SLC41A3: variants seen among roughly 807,000 people sequenced by gnomAD.
SLC41A3 encodes SLC41A1-like 2.
A neutral mutation model predicts 45.4 loss-of-function variants in SLC41A3; 44 were observed. The ratio of observed to expected loss-of-function variants is 0.97; its 90% confidence interval spans 0.76 to 1.25. SLC41A3 has a LOEUF of 1.25. SLC41A3 is among the 50% of genes most tolerant of loss of function. The pLI, the probability that SLC41A3 is intolerant of heterozygous loss-of-function variation, is 0.00. For missense variants in SLC41A3, 550 were observed against 600.6 expected (o/e 0.92, Z 0.88); for synonymous variants, 256 against 252.4 (o/e 1.01, Z -0.13).
At chr3:126,074,514 C>T (rs115698489) in intron 1 of SLC41A3, among the ~76,000 whole-genome samples, 30 of 152,200 alleles carry the variant, frequency 2.0e-4, no homozygotes, top group African/African-American at 5.1e-4. Flanking sequence ...TGTTTACAGA[C>T]GACATAATCT....
rs1944444999 is a variant in SLC41A3 at position 126,068,125 on chromosome 3, G to A, written c.95C>T (p.Pro32Leu). 1.9e-6 allele frequency: 3 copies of A among 1,613,010 alleles called. No individual in the cohort carries two copies. The highest frequency in any genetic ancestry group is 1.3e-5 in the African/African-American group (1 of 75,004). Residue 32 changes from proline (P) to leucine (L), a missense_variant, in exon 2 of 11, where the codon CCT becomes CTT. By Grantham distance (98) the Pro-to-Leu change is moderately conservative (BLOSUM62 -3). Coordinates refer to ENST00000360370, the MANE Select transcript of SLC41A3 (RefSeq NM_017836.4). ...LPHPLSTGGL[P>L]VASEDGALRA... ...GAGAGCTCCATCTTCTGAGGCTACA[G>A]GGAGTCCTCCTGTGCTGAGGGGGTG...
upstream of SLC41A3, among the ~76,000 whole-genome samples, chr3:126,084,742 G>A (rs1945338985): frequency 6.6e-6 from 1 of 152,024 alleles, no homozygotes; most frequent in East Asian, 1.9e-4. Context: ...CACAAGACTT[G>A]GTAAAATATA....
chr3:126,099,973 A>G (rs1341267399), intron 1 of SLC41A3, among the ~76,000 whole-genome samples: 9 of 152,130 alleles, frequency 5.9e-5, no homozygotes, highest in Admixed American at 3.9e-4. Context: ...GTGCAGTCCA[A>G]CCTGATGTGG....
intron 8 of SLC41A3, 67 bp downstream of exon 8, chr3:126,015,426 TC>T: frequency 1.5e-5 from 23 of 1,536,354 alleles, no homozygotes; most frequent in Non-Finnish European, 1.9e-5. Flanking sequence ...GGTCTGCTGT[TC>T]CGGTCCAACC....
rs762954933 is a variant in SLC41A3 at position 126,068,022 on chromosome 3, G to GCCTATGGA, written c.190_197dup (p.Leu67ProfsTer2). The stretch of plus-strand genomic sequence containing the variant: ...ACATGAAGGGCACGGTCACCTGAAG[G>GCCTATGGA]CCTATGGACCAGGTGGTCTCCCTGC... On this transcript the variant is annotated stop_gained and frameshift_variant, in exon 2 of 11. Coordinates refer to ENST00000360370, the MANE Select transcript of SLC41A3 (RefSeq NM_017836.4). LOFTEE classifies it high-confidence loss of function. The GCCTATGGA allele has an allele frequency of 1.2e-6, 2 of 1,613,938 alleles. No individual in the cohort carries two copies. Among genetic ancestry groups the GCCTATGGA allele is most frequent in the South Asian group, 2.2e-5 (2 of 91,068 alleles).
intron 2 of SLC41A3, among the ~76,000 whole-genome samples, chr3:126,058,855 C>T (rs1338702123): frequency 6.6e-6 from 1 of 152,150 alleles, no homozygotes; most frequent in African/African-American, 2.4e-5. Context: ...CATGCCCGTG[C>T]TCCTCCCCTC....
At chr3:126,067,027 T>A (rs1210534336) in intron 2 of SLC41A3, among the ~76,000 whole-genome samples, 1 of 130,970 alleles carries the variant, frequency 7.6e-6, no homozygotes, top group Admixed American at 8.5e-5. Flanking sequence ...AGGCAAAATA[T>A]CTGTGTCAAT....
chr3:126,071,005 AT>A (rs936910432), intron 1 of SLC41A3, among the ~76,000 whole-genome samples: 8 of 152,234 alleles, frequency 5.3e-5, no homozygotes, highest in African/African-American at 1.9e-4. Flanking sequence ...AGAAAAAAAA[AT>A]ATAAAAGAAA....
At chr3:126,069,982 C>G in intron 1 of SLC41A3, among the ~76,000 whole-genome samples, 1 of 151,718 alleles carries the variant, frequency 6.6e-6, no homozygotes, top group Non-Finnish European at 1.5e-5. Flanking sequence ...CCTCCGAGAA[C>G]TATGGAAGAA....
chr3:126,095,908 C>G (rs1448504833), intron 1 of SLC41A3, among the ~76,000 whole-genome samples: 1 of 152,102 alleles, frequency 6.6e-6, no homozygotes, highest in Non-Finnish European at 1.5e-5. Flanking sequence ...ACAAGAGTTC[C>G]TATTATCTGG....
intron 2 of SLC41A3, chr3:126,056,294 G>T (rs1406598987): frequency 6.4e-7 from 1 of 1,566,678 alleles, no homozygotes; most frequent in East Asian, 2.2e-5. Context: ...TGCCCTGTCT[G>T]TGGTGCCAGG....
chr3:126,017,590 C>T (rs1292626428), intron 6 of SLC41A3, among the ~76,000 whole-genome samples: 1 of 152,212 alleles, frequency 6.6e-6, no homozygotes, highest in Non-Finnish European at 1.5e-5. Flanking sequence ...GTGTTGTGCT[C>T]CGTGTGAGGG....
intron 3 of SLC41A3, among the ~76,000 whole-genome samples, chr3:126,040,115 G>A (rs1445034352): frequency 6.6e-6 from 1 of 152,252 alleles, no homozygotes; most frequent in Non-Finnish European, 1.5e-5. Flanking sequence ...GGAAGCAGGA[G>A]CCATCTGAGC....
intron 3 of SLC41A3, among the ~76,000 whole-genome samples, chr3:126,047,878 A>C (rs75787315): frequency 0.018 from 2,691 of 152,344 alleles, 42 homozygotes; most frequent in Middle Eastern, 0.085. Flanking sequence ...GACAAAAGCA[A>C]AAATAGATGA....
intron 8 of SLC41A3, among the ~76,000 whole-genome samples, chr3:126,014,079 G>A (rs1373060846): frequency 6.6e-6 from 1 of 152,162 alleles, no homozygotes; most frequent in Non-Finnish European, 1.5e-5. Context: ...GCTGATGGAA[G>A]GTGGGGATTC....
At chr3:126,100,465 G>A (rs1278528176) in intron 1 of SLC41A3, among the ~76,000 whole-genome samples, 2 of 152,166 alleles carry the variant, frequency 1.3e-5, no homozygotes, top group Non-Finnish European at 2.9e-5. Flanking sequence ...CCAGCGTGCT[G>A]CCACCCCATG....
At chr3:126,095,899 C>G (rs994711894) in intron 1 of SLC41A3, among the ~76,000 whole-genome samples, 2 of 152,178 alleles carry the variant, frequency 1.3e-5, no homozygotes, top group African/African-American at 4.8e-5. Flanking sequence ...AAAAGTATGA[C>G]AAGAGTTCCT....
chr3:126,035,021 G>A (rs1264010258), intron 3 of SLC41A3, among the ~76,000 whole-genome samples: 2 of 152,236 alleles, frequency 1.3e-5, no homozygotes, highest in African/African-American at 4.8e-5. Flanking sequence ...GCACAAAGCA[G>A]GAAGTGAGAC....
intron 3 of SLC41A3, among the ~76,000 whole-genome samples, chr3:126,044,901 A>C (rs1942858633): frequency 4.6e-5 from 2 of 43,956 alleles, no homozygotes; most frequent in African/African-American, 1.1e-4. Context: ...ATCTCAAAAA[A>C]AAAAAAAAAA....
Sources: allele counts gnomAD v4.1 joint callset (sites outside exome capture counted in the v4.1 genomes callset), GRCh38; gene constraint gnomAD v4.1.1; transcripts MANE v1.5; gene names NCBI Gene and HGNC (gene_info 2026-07-23, HGNC 2026-07-21).